RASGRP4: variants seen among roughly 807,000 people sequenced by gnomAD.
The protein encoded by RASGRP4 is RAS guanyl releasing protein 4.
RASGRP4 carries 52 observed loss-of-function variants against 84.4 expected under a neutral mutation model. That is an observed-to-expected ratio of 0.62 (90% confidence interval 0.49 to 0.78). RASGRP4 has a LOEUF of 0.78. Ranked by LOEUF, RASGRP4 falls within the 30% of genes least tolerant of loss-of-function variation. The pLI, the probability that RASGRP4 is intolerant of heterozygous loss-of-function variation, is 0.00. For synonymous variants in RASGRP4, 356 were observed against 359.1 expected, an observed-to-expected ratio of 0.99 and a Z score of 0.10; for missense variants, 760 against 886.9, an observed-to-expected ratio of 0.86 and a Z score of 1.82.
At chr19:38,424,942 T>A (rs972005247) in intron 1 of RASGRP4, among the ~76,000 whole-genome samples, 1 of 151,874 alleles carries the variant, frequency 6.6e-6, no homozygotes, top group African/African-American at 2.4e-5. Context: ...TCCCAGCACT[T>A]TGGGAGGCCG....
chr19:38,414,272 T>A (rs1242540341), intron 9 of RASGRP4, among the ~76,000 whole-genome samples: 1 of 151,768 alleles, frequency 6.6e-6, no homozygotes, highest in Non-Finnish European at 1.5e-5. Flanking sequence ...TGGCTGTCTC[T>A]CCTCAACCAC....
Position 38,418,095 on chromosome 19 carries a change from G to A in RASGRP4, c.837+296C>T, listed in dbSNP as rs1971578068. Among the ~76,000 whole-genome samples, 1 of 152,100 alleles carries A rather than the reference G, an allele frequency of 6.6e-6. No homozygotes were observed. The highest frequency in any genetic ancestry group is 2.4e-5 in the African/African-American group (1 of 41,432). On this transcript the variant is annotated intron_variant, in intron 7 of 16. Coordinates refer to ENST00000615439, the MANE Select transcript of RASGRP4 (RefSeq NM_170604.3). This position sits in a 1 kb window ranked among gnomAD's most constrained non-coding sequence, Gnocchi z 4.6. ...GGGCTTCCATGCCCCACAAAGGTGG[G>A]GGCATGGAAGAGACACTCTCATTGA...
chr19:38,414,533 T>C (rs1336494027), intron 9 of RASGRP4, among the ~76,000 whole-genome samples: 1 of 151,614 alleles, frequency 6.6e-6, no homozygotes, highest in East Asian at 2.0e-4. Context: ...TCCATGTTGG[T>C]CAGGCTGGTC....
Position 38,426,071 on chromosome 19 carries a change from C to T in RASGRP4, c.21G>A (p.Lys7=). The T allele has an allele frequency of 7.4e-7, 1 of 1,356,906 alleles. No homozygotes were observed. The highest frequency in any genetic ancestry group is 9.6e-7 in the Non-Finnish European group (1 of 1,045,418). 84.1% of individuals were successfully genotyped at this position (1,356,906 alleles called of 1,614,324 possible). A position where few individuals can be genotyped will look rare whatever the true frequency, so the allele number is the denominator to read the frequency against. ...CTCCCTGGGGAGGGTCCTCTCACCT[C>T]TTACTGTCTTTTCTGTTCATGCTTC... MNRKDS[K]RKSHQECTGK... Residue 7 remains lysine (K), a splice_region_variant and synonymous_variant, in exon 1 of 17, where the codon AAG becomes AAA. Coordinates refer to ENST00000615439, the MANE Select transcript of RASGRP4 (RefSeq NM_170604.3).
chr19:38,421,549 T>C (rs1600575462), intron 2 of RASGRP4, among the ~76,000 whole-genome samples: 1 of 151,936 alleles, frequency 6.6e-6, no homozygotes, highest in East Asian at 1.9e-4. Context: ...CCGTTTCTAC[T>C]AAAAACACAA....
At chr19:38,414,668 G>A (rs1015283903) in intron 9 of RASGRP4, among the ~76,000 whole-genome samples, 180 bp downstream of exon 9, 2 of 152,208 alleles carry the variant, frequency 1.3e-5, no homozygotes, top group African/African-American at 2.4e-5. Flanking sequence ...GGAAACTGAG[G>A]CTTAAGGGTT....
In RASGRP4 at chr19:38,418,831, G is replaced by A. The variant is rs1485235534; in HGVS notation, c.664-267C>T. The stretch of plus-strand genomic sequence containing the variant: ...TTTAATCCTCATAACTCTATGAGGT[G>A]AGTATCATTCCATTTTAGAGGTGAG... On this transcript the variant is annotated intron_variant, in intron 6 of 16. Coordinates refer to ENST00000615439, the MANE Select transcript of RASGRP4 (RefSeq NM_170604.3). The surrounding 1 kb of genome is among the most constrained non-coding windows in gnomAD (Gnocchi z 4.6). Among the ~76,000 whole-genome samples, 1 of 152,204 alleles carries A rather than the reference G, an allele frequency of 6.6e-6. No homozygotes were observed. The highest frequency in any genetic ancestry group is 1.5e-5 in the Non-Finnish European group (1 of 68,030).
rs369267928 is a variant in RASGRP4 at position 38,422,014 on chromosome 19, C to T, written c.163G>A (p.Gly55Ser). 233 of 1,613,204 alleles carry T rather than the reference C, an allele frequency of 1.4e-4. 2 individuals carry two copies. The South Asian group carries it at 1.8e-3, about 12-fold the overall frequency. The change falls in exon 2 of 17, where the codon GGC becomes AGC. Residue 55 changes from glycine (G) to serine (S), a missense_variant. Physicochemically the swap from Gly to Ser is moderately conservative, Grantham distance 56. Transcript: ENST00000615439. ...SMNLGLLSEG[G>S]CSEDELLEKC... is the part of the protein sequence containing the mutation. ...TCCAGCAGCTCATCTTCGCTGCAGC[C>T]GCCCTCACTCAGCAGGCCCAGGTTC...
intron 9 of RASGRP4, among the ~76,000 whole-genome samples, chr19:38,414,224 T>C (rs1568409430): frequency 6.6e-6 from 1 of 152,180 alleles, no homozygotes. Flanking sequence ...TGCGCCCGGC[T>C]AGACACTGTC....
At position 38,410,985 on chromosome 19, in the gene RASGRP4, A is replaced by T; in HGVS notation, c.1866T>A (p.Asn622Lys). ...GCTCCAGGGATAGCGTGTAGGAGTG[A>T]TTTTCCTCGGAGCCTGTTTGTGGGT... ...APHASCGSEE[N>K]HSYTLSLEPE... is the part of the protein sequence containing the mutation. The change falls in exon 16 of 17, where the codon AAT (asparagine) becomes AAA (lysine). Residue 622 changes from asparagine (N) to lysine (K), a missense_variant. Coordinates refer to ENST00000615439, the MANE Select transcript of RASGRP4 (RefSeq NM_170604.3). 6.2e-7 allele frequency: 1 copy of T among 1,602,372 alleles called. No individual in the cohort carries two copies. Among genetic ancestry groups the T allele is most frequent in the Non-Finnish European group, 8.5e-7 (1 of 1,174,686 alleles).
At position 38,423,013 on chromosome 19, in the gene RASGRP4, T is replaced by C. The variant is rs140402969; in HGVS notation, c.24-860A>G. Among the ~76,000 whole-genome samples, 797 of 151,820 alleles carry C rather than the reference T, an allele frequency of 5.2e-3. 3 individuals are homozygous for C. The highest frequency in any genetic ancestry group is 9.1e-3 in the Non-Finnish European group (617 of 67,902). ...TCCTTCCCCAGGCATTGCCCCCAAC[T>C]TCCTCTTGACTGCTTCCAGGGCATC... On this transcript the variant is annotated intron_variant, in intron 1 of 16. Coordinates refer to ENST00000615439, the MANE Select transcript of RASGRP4 (RefSeq NM_170604.3).
chr19:38,410,860 T>C, intron 16 of RASGRP4, 26 bp downstream of exon 16: 1 of 1,491,072 alleles, frequency 6.7e-7, no homozygotes, highest in Non-Finnish European at 9.2e-7. Context: ...TGTATCCACT[T>C]GGGGGTAGGG....
intron 6 of RASGRP4, 43 bp downstream of exon 6, chr19:38,419,817 A>G: frequency 6.5e-7 from 1 of 1,534,766 alleles, no homozygotes; most frequent in Non-Finnish European, 8.8e-7. Flanking sequence ...CCCCTACCCC[A>G]GTGTCTCCCC....
intron 1 of RASGRP4, 97 bp downstream of exon 1, chr19:38,425,972 C>G: frequency 9.1e-7 from 1 of 1,100,522 alleles, no homozygotes; most frequent in African/African-American, 1.6e-5. Flanking sequence ...CCAAAGAAGT[C>G]AGGAATCCTG....
At position 38,413,144 on chromosome 19, in the gene RASGRP4, A is replaced by G; in HGVS notation, c.1416+49T>C. 1.3e-6 allele frequency: 2 copies of G among 1,586,958 alleles called. No homozygotes were observed. Among genetic ancestry groups the G allele is most frequent in the Non-Finnish European group, 1.7e-6 (2 of 1,156,084 alleles). On this transcript the variant is annotated intron_variant, in intron 11 of 16. Transcript: ENST00000615439. The surrounding 1 kb of genome is among the most constrained non-coding windows in gnomAD (Gnocchi z 4.7). Reference sequence around the variant, plus strand: ...CACCTCCAGGCTCAGGGTTCTACAGATGTCTTCCCTCCTGGCTGCTGGCGG... The same window carrying G: ...CACCTCCAGGCTCAGGGTTCTACAGGTGTCTTCCCTCCTGGCTGCTGGCGG...
chr19:38,420,844 T>C, intron 4 of RASGRP4, 64 bp downstream of exon 4: 1 of 1,529,522 alleles, frequency 6.5e-7, no homozygotes, highest in Admixed American at 1.7e-5. Context: ...GAGGAATGTT[T>C]TTTGAGGGGG....
At chr19:38,410,128 A>G (rs1463078194) in intron 16 of RASGRP4, 32 bp from the exon 17 acceptor site, 7 of 1,581,932 alleles carry the variant, frequency 4.4e-6, no homozygotes, top group Non-Finnish European at 6.1e-6. Flanking sequence ...GAAAGATGAC[A>G]GATGATGTGG....
chr19:38,412,790 A>C lies in RASGRP4; in HGVS notation c.1562T>G (p.Leu521Arg). The change falls in exon 13 of 17, where the codon CTG becomes CGG. Residue 521 changes from leucine to arginine, a missense_variant. Physicochemically the swap from Leu to Arg is moderately radical, Grantham distance 102. Transcript: ENST00000615439. The surrounding 1 kb of genome is among the most constrained non-coding windows in gnomAD (Gnocchi z 4.6). ...GCTGGCCCGGAGCAGGTACCCTGTC[A>C]GCTCCTCTCTGCTGAAGGATCCTCT... ...QGRGSFSREELTGYLLRASAI... is the reference protein window; with the variant it reads ...QGRGSFSREERTGYLLRASAI... 6.2e-7 allele frequency: 1 copy of C among 1,607,334 alleles called. No homozygotes were observed. Among genetic ancestry groups the C allele is most frequent in the South Asian group, 1.1e-5 (1 of 90,298 alleles).
intron 1 of RASGRP4, among the ~76,000 whole-genome samples, chr19:38,425,183 CA>C (rs570185454): frequency 3.8e-4 from 26 of 67,736 alleles, no homozygotes; most frequent in African/African-American, 1.1e-3. Context: ...GACTCCGTCT[CA>C]AAAAAAAAAA....
Sources: gnomAD v4.1 joint callset for allele counts (sites outside exome capture counted in the v4.1 genomes callset) on GRCh38, gnomAD v4.1.1 for gene constraint, Gnocchi (gnomAD v3.1) non-coding constraint, MANE v1.5 for transcripts, NCBI Gene and HGNC (gene_info 2026-07-23, HGNC 2026-07-21) for gene names.